Variants in IL31RA observed in about 807,000 individuals in gnomAD.
The protein encoded by IL31RA is interleukin-31 receptor subunit alpha.
Under a neutral mutation model 83.7 loss-of-function variants are expected in IL31RA, and 66 were observed. That is an observed-to-expected ratio of 0.79 (90% CI 0.65 to 0.97). The LOEUF (loss-of-function observed/expected upper bound fraction) is 0.97, where lower values mean the gene tolerates loss of function less well. Ranked by LOEUF, IL31RA falls within the 50% of genes least tolerant of loss-of-function variation. The pLI is 0.00. For synonymous variants in IL31RA, 325 were observed against 329.0 expected (o/e 0.99, Z 0.13); for missense variants, 798 against 919.4 (o/e 0.87, Z 1.71).
At chr5:55,851,820 G>A (rs1745087914) in intron 1 of IL31RA, among the ~76,000 whole-genome samples, 187 bp downstream of exon 1, 1 of 152,198 alleles carries the variant, frequency 6.6e-6, no homozygotes, top group Non-Finnish European at 1.5e-5. Context: ...CTAGGTTTCT[G>A]CTTTCTCATC....
chr5:55,883,822 A>C (rs1747415240), intron 5 of IL31RA, among the ~76,000 whole-genome samples: 1 of 152,236 alleles, frequency 6.6e-6, no homozygotes, highest in South Asian at 2.1e-4. Context: ...AGGATGAAGA[A>C]GCGCCCAGTA....
At chr5:55,916,036 G>A (rs890155380) in intron 14 of IL31RA, among the ~76,000 whole-genome samples, 1 of 152,132 alleles carries the variant, frequency 6.6e-6, no homozygotes, top group Non-Finnish European at 1.5e-5. Flanking sequence ...CTGGGGTTTT[G>A]TGAACATGGG....
chr5:55,906,065 G>A (rs768011189), intron 8 of IL31RA, 41 bp from the exon 9 acceptor site: 2 of 1,601,148 alleles, frequency 1.2e-6, no homozygotes, highest in South Asian at 1.1e-5. Flanking sequence ...TTTGGGGAAT[G>A]AGTTGGGTAG....
At chr5:55,860,890 T>G (rs1399261041) in intron 2 of IL31RA, among the ~76,000 whole-genome samples, 1 of 152,168 alleles carries the variant, frequency 6.6e-6, no homozygotes, top group African/African-American at 2.4e-5. Flanking sequence ...GGAAGTCCAG[T>G]GTCAAGGTGG....
At chr5:55,842,694 T>C in the IL31RA span, among the ~76,000 whole-genome samples, 1 of 152,210 alleles carries the variant, frequency 6.6e-6, no homozygotes, top group African/African-American at 2.4e-5. Context: ...TACGTGTCCA[T>C]TTTCCCACTT....
At chr5:55,886,689 A>G (rs1041605934) in intron 5 of IL31RA, among the ~76,000 whole-genome samples, 20 of 152,226 alleles carry the variant, frequency 1.3e-4, no homozygotes, top group African/African-American at 4.8e-4. Flanking sequence ...AAAGGGTCCA[A>G]ATTATTAACT....
chr5:55,889,125 G>A (rs1214595408), intron 5 of IL31RA, among the ~76,000 whole-genome samples: 1 of 151,962 alleles, frequency 6.6e-6, no homozygotes, highest in Admixed American at 6.6e-5. Context: ...ATAAACTTTA[G>A]GTTTATAAAG....
At chr5:55,916,426 T>A (rs1459676333) in intron 14 of IL31RA, among the ~76,000 whole-genome samples, 4 of 151,292 alleles carry the variant, frequency 2.6e-5, no homozygotes, top group African/African-American at 9.7e-5. Flanking sequence ...ATTTTAAAAA[T>A]TGTTTGAATC....
In IL31RA at chr5:55,892,090, G is replaced by C. The variant is rs1748044640; in HGVS notation, c.772+1955G>C. Among the ~76,000 whole-genome samples the C allele has an allele frequency of 2.0e-5, 3 of 152,072 alleles. No homozygotes were observed. In the South Asian group the frequency reaches 6.2e-4, roughly 32 times the overall value. ...GTGCCCGGCCTGGACAAGATATTTT[G>C]AGGGCCATTTTTCAGCCTAACAGTA... is the stretch of plus-strand genomic sequence containing the variant. On this transcript the variant is annotated intron_variant, in intron 6 of 14. Transcript: ENST00000652347.
chr5:55,856,148 T>C (rs1745351252), intron 1 of IL31RA, among the ~76,000 whole-genome samples: 1 of 152,204 alleles, frequency 6.6e-6, no homozygotes, highest in Non-Finnish European at 1.5e-5. Flanking sequence ...CTGCCTGCCT[T>C]GGCCTCCCAA....
intron 7 of IL31RA, among the ~76,000 whole-genome samples, chr5:55,897,015 A>ATATATATATT (rs1413221761): frequency 1.2e-3 from 1 of 844 alleles, no homozygotes. Flanking sequence ...ATATATATAT[A>ATATATATATT]TTTTTTTTTT....
the IL31RA span, among the ~76,000 whole-genome samples, chr5:55,845,798 G>C: frequency 6.6e-6 from 1 of 152,180 alleles, no homozygotes. Context: ...TCATAGCAGT[G>C]TGAGAACGGA....
chr5:55,914,624 G>A (rs1749682815), intron 13 of IL31RA, among the ~76,000 whole-genome samples: 1 of 152,102 alleles, frequency 6.6e-6, no homozygotes. Flanking sequence ...CTTTGTATGG[G>A]GAGAGTCTCC....
At position 55,922,497 on chromosome 5, in the gene IL31RA, T is replaced by C; in HGVS notation, c.*5377T>C. 7.4e-7 allele frequency: 1 copy of C among 1,358,560 alleles called. No individual in the cohort carries two copies. Among genetic ancestry groups the C allele is most frequent in the Non-Finnish European group, 1.0e-6 (1 of 977,242 alleles). The allele number at this position is 1,358,560 out of a possible 1,614,324, so 84.2% of individuals were successfully genotyped here. A position where few individuals can be genotyped will look rare whatever the true frequency, so the allele number is the denominator to read the frequency against. ...GCAAATTAGAAAGGACATGCAGAGT[T>C]TTCCAACTAGGAAGACTGAATCTGT... On this transcript the variant is annotated 3_prime_UTR_variant, in exon 15 of 15. Coordinates refer to ENST00000652347, the MANE Select transcript of IL31RA (RefSeq NM_139017.7).
intron 1 of IL31RA, among the ~76,000 whole-genome samples, chr5:55,858,865 G>T (rs1299228132): frequency 6.6e-6 from 1 of 152,170 alleles, no homozygotes; most frequent in Non-Finnish European, 1.5e-5. Context: ...AAGAAGAGAG[G>T]TTCCACTCTT....
At chr5:55,884,609 A>AT (rs770222702) in intron 5 of IL31RA, among the ~76,000 whole-genome samples, 6 of 151,672 alleles carry the variant, frequency 4.0e-5, no homozygotes, top group Admixed American at 1.3e-4. Flanking sequence ...TGATTTTTAA[A>AT]TTTTTTTTGT....
intron 12 of IL31RA, among the ~76,000 whole-genome samples, chr5:55,912,586 C>G (rs1271442901): frequency 1.3e-5 from 2 of 152,176 alleles, no homozygotes; most frequent in African/African-American, 4.8e-5. Flanking sequence ...CACTCAAGGC[C>G]AGGAGTTCAA....
At chr5:55,869,928 A>T (rs922332248) in intron 3 of IL31RA, among the ~76,000 whole-genome samples, 1 of 152,192 alleles carries the variant, frequency 6.6e-6, no homozygotes, top group Non-Finnish European at 1.5e-5. Flanking sequence ...GCTAAATCTC[A>T]CATTGCAAGG....
In IL31RA at chr5:55,903,577, G is replaced by A. The variant is rs1158222835; in HGVS notation, c.1070-2529G>A. Among the ~76,000 whole-genome samples the A allele has an allele frequency of 6.6e-6, 1 of 152,176 alleles. No homozygotes were observed. ...CATGGTTTCCTGGGGCCGGCGCCAC[G>A]CCCCTGTGGTCTCCGCAGTCTCTGC... is the stretch of plus-strand genomic sequence containing the variant. On this transcript the variant is annotated intron_variant, in intron 8 of 14. Coordinates refer to ENST00000652347, the MANE Select transcript of IL31RA (RefSeq NM_139017.7). This position sits in a 1 kb window ranked among gnomAD's most constrained non-coding sequence, Gnocchi z 4.7.
Sources: allele counts gnomAD v4.1 joint callset (sites outside exome capture counted in the v4.1 genomes callset), GRCh38; gene constraint gnomAD v4.1.1; non-coding constraint Gnocchi (gnomAD v3.1); transcripts MANE v1.5; gene names NCBI Gene and HGNC (gene_info 2026-07-23, HGNC 2026-07-21).